The following CACNB4 variants were observed in gnomAD, a reference collection of about 807,000 sequenced individuals.
CACNB4 encodes calcium voltage-gated channel auxiliary subunit beta 4.
A neutral mutation model predicts 71.2 loss-of-function variants in CACNB4; 32 were observed. That is an observed-to-expected ratio of 0.45 (90% CI 0.34 to 0.60). The LOEUF (loss-of-function observed/expected upper bound fraction) is 0.60, where lower values mean the gene tolerates loss of function less well. CACNB4 is among the 20% of genes least tolerant of loss of function. CACNB4 has a pLI of 0.01. For synonymous variants in CACNB4, 231 were observed against 236.9 expected (o/e 0.97, Z 0.23); for missense variants, 464 against 647.9 (o/e 0.72, Z 3.08).
chr2:152,058,096 T>TA (rs1207348559), intron 2 of CACNB4, among the ~76,000 whole-genome samples: 2 of 152,190 alleles, frequency 1.3e-5, no homozygotes, highest in African/African-American at 2.4e-5. Context: ...TGCCACCATG[T>TA]AAAAAAGGTC....
At chr2:151,903,896 A>G (rs2099854099) in intron 2 of CACNB4, among the ~76,000 whole-genome samples, 1 of 152,152 alleles carries the variant, frequency 6.6e-6, no homozygotes, top group African/African-American at 2.4e-5. Context: ...TAACTCCTCA[A>G]GGGCAGGTAG....
chr2:151,908,987 G>T (rs567128048), intron 2 of CACNB4, among the ~76,000 whole-genome samples: 1 of 151,072 alleles, frequency 6.6e-6, no homozygotes, highest in South Asian at 2.1e-4. Context: ...AAGGGAACAG[G>T]TGTTATGCTT....
At chr2:151,972,318 T>C (rs1385441772) in intron 2 of CACNB4, 2 of 152,210 alleles carry the variant, frequency 1.3e-5, no homozygotes, top group East Asian at 3.9e-4. Context: ...GCATCATAGG[T>C]TTCATAACTG....
At position 152,096,092 on chromosome 2, in the gene CACNB4, T is replaced by C. The variant is rs1484422057; in HGVS notation, c.147+2238A>G. 6.6e-5 allele frequency among the ~76,000 whole-genome samples: 10 copies of C among 152,214 alleles called. 1 individual carries two copies. The highest frequency in any genetic ancestry group is 6.5e-4 in the Admixed American group (10 of 15,278). On this transcript the variant is annotated intron_variant, in intron 2 of 13. Transcript: ENST00000539935. Reference sequence around the variant, plus strand: ...CCTTATCTCATCAAAGAAATGTAAATCCCTCAGTTATTTTTATTGTAGCCA... The same window carrying C: ...CCTTATCTCATCAAAGAAATGTAAACCCCTCAGTTATTTTTATTGTAGCCA...
intron 2 of CACNB4, among the ~76,000 whole-genome samples, chr2:152,093,216 T>C (rs1157382527): frequency 6.6e-6 from 1 of 152,216 alleles, no homozygotes; most frequent in African/African-American, 2.4e-5. Flanking sequence ...GGAGCTGCCT[T>C]CTCTTCTTTT....
chr2:152,011,537 A>G (rs62176806), intron 2 of CACNB4, among the ~76,000 whole-genome samples: 11,530 of 152,286 alleles, frequency 0.076, 460 homozygotes, highest in African/African-American at 0.09. Flanking sequence ...TCCCAGTAGC[A>G]ACATACCTGG....
At chr2:151,949,516 G>A (rs1400370224) in intron 2 of CACNB4, among the ~76,000 whole-genome samples, 1 of 152,062 alleles carries the variant, frequency 6.6e-6, no homozygotes, top group Non-Finnish European at 1.5e-5. Context: ...CATATGCAAA[G>A]GCAAGAAGGT....
intron 2 of CACNB4, among the ~76,000 whole-genome samples, chr2:152,017,719 A>C (rs1281167907): frequency 3.3e-5 from 5 of 152,082 alleles, no homozygotes; most frequent in Non-Finnish European, 7.4e-5. Flanking sequence ...ACAACAAAAA[A>C]AAAAAGAGAA....
rs2099834275 is a variant in CACNB4, at chr2:151,833,650, T to TA, written c.*5468dup. The TA allele has an allele frequency of 1.3e-5, 2 of 152,084 alleles. No homozygotes were observed. Among genetic ancestry groups the TA allele is most frequent in the East Asian group, 3.8e-4 (2 of 5,200 alleles). The allele number at this position is 152,084 out of a possible 1,614,324, so 9.4% of individuals were successfully genotyped here. On this transcript the variant is annotated 3_prime_UTR_variant, in exon 14 of 14. Coordinates refer to ENST00000539935, the MANE Select transcript of CACNB4 (RefSeq NM_000726.5). Reference sequence around the variant, plus strand: ...GCTGGAAAAGTATCAAGCAGCAAGTTAAAAAGATGGTAGATGAAGTAAATC... The same window carrying TA: ...GCTGGAAAAGTATCAAGCAGCAAGTTAAAAAAGATGGTAGATGAAGTAAATC...
intron 2 of CACNB4, among the ~76,000 whole-genome samples, chr2:151,945,344 G>A (rs952828285): frequency 6.6e-6 from 1 of 152,172 alleles, no homozygotes. Context: ...CACTTGCCCA[G>A]GGGTGTCTCT....
chr2:152,016,841 T>C (rs997964589), intron 2 of CACNB4, among the ~76,000 whole-genome samples: 2 of 152,272 alleles, frequency 1.3e-5, no homozygotes, highest in African/African-American at 2.4e-5. Flanking sequence ...GCTGCCATTC[T>C]GTGTGCTTAC....
At chr2:152,025,062 AT>A (rs1396707584) in intron 2 of CACNB4, among the ~76,000 whole-genome samples, 2 of 152,222 alleles carry the variant, frequency 1.3e-5, no homozygotes, top group African/African-American at 4.8e-5. Flanking sequence ...TCTCAAAAAA[AT>A]AAAAATAATA....
chr2:151,840,879 T>C (rs1282834252), intron 13 of CACNB4, among the ~76,000 whole-genome samples: 1 of 152,218 alleles, frequency 6.6e-6, no homozygotes, highest in Non-Finnish European at 1.5e-5. Context: ...TTTGGCCACA[T>C]TCCAGCAGCT....
At chr2:152,040,676 G>C (rs939789163) in intron 2 of CACNB4, among the ~76,000 whole-genome samples, 4 of 152,164 alleles carry the variant, frequency 2.6e-5, no homozygotes, top group Non-Finnish European at 4.4e-5. Context: ...CCTGACCTCA[G>C]GTGATACACT....
At chr2:151,872,778 T>C (rs1037577932) in intron 5 of CACNB4, 5 of 250,906 alleles carry the variant, frequency 2.0e-5, no homozygotes, top group Non-Finnish European at 3.0e-5. Flanking sequence ...TCTTATGAAC[T>C]GCTTGTTAAC....
intron 12 of CACNB4, 77 bp downstream of exon 12, chr2:151,853,371 C>A: frequency 2.6e-6 from 2 of 779,436 alleles, no homozygotes; most frequent in Non-Finnish European, 2.1e-6. Context: ...AGAATGAAAA[C>A]AACAATATGA....
intron 12 of CACNB4, among the ~76,000 whole-genome samples, chr2:151,847,123 T>C (rs115986563): frequency 0.015 from 2,074 of 133,998 alleles, 50 homozygotes; most frequent in African/African-American, 0.056. Context: ...AAAAAAAAGA[T>C]TGGGGCAGCA....
chr2:152,009,034 T>A (rs1274806529), intron 2 of CACNB4, among the ~76,000 whole-genome samples: 1 of 151,604 alleles, frequency 6.6e-6, no homozygotes, highest in Non-Finnish European at 1.5e-5. Flanking sequence ...TTATCAAAAA[T>A]GTGAAAAAGG....
At chr2:151,892,679 A>G (rs1338927949) in intron 2 of CACNB4, among the ~76,000 whole-genome samples, 1 of 152,250 alleles carries the variant, frequency 6.6e-6, no homozygotes. Context: ...AAGCATCTAC[A>G]CTTCATTTCA....
Sources: allele counts gnomAD v4.1 joint callset (sites outside exome capture counted in the v4.1 genomes callset), GRCh38; gene constraint gnomAD v4.1.1; transcripts MANE v1.5; gene names NCBI Gene and HGNC (gene_info 2026-07-23, HGNC 2026-07-21).